The following PRCC variants were observed in gnomAD, a reference collection of about 807,000 sequenced individuals.
The protein encoded by PRCC is proline rich mitotic checkpoint control factor.
Under a neutral mutation model 44.0 loss-of-function variants are expected in PRCC, and 10 were observed. The ratio of observed to expected loss-of-function variants is 0.23; its 90% CI spans 0.14 to 0.39. The LOEUF is 0.39. Among genes scored for constraint, PRCC ranks in the 10% least tolerant of loss-of-function variants. The probability of loss-of-function intolerance (pLI) is 1.00; values close to 1 mark genes in which losing one functional copy is unlikely to be tolerated. For missense variants in PRCC, 573 were observed against 624.7 expected, an observed-to-expected ratio of 0.92 and a Z score of 0.88; for synonymous variants, 278 against 259.5, an observed-to-expected ratio of 1.07 and a Z score of -0.69.
Position 156,800,574 on chromosome 1 carries a change from C to A in PRCC, c.*114C>A. ...CCCAGGATCTCTTTCCCCAAGGACC[C>A]AGCCCTCGCCTCTGCGAGAATGAAC... On this transcript the variant is annotated 3_prime_UTR_variant, in exon 7 of 7. Transcript: ENST00000271526. 1.0e-6 allele frequency: 1 copy of A among 998,172 alleles called. No homozygotes were observed. The highest frequency in any genetic ancestry group is 1.5e-6 in the Non-Finnish European group (1 of 648,482). 61.8% of individuals were successfully genotyped at this position (998,172 alleles called of 1,614,324 possible). A position where few individuals can be genotyped will look rare whatever the true frequency, so the allele number is the denominator to read the frequency against.
chr1:156,787,450 GATATATATAT>G lies in PRCC; in HGVS notation c.1083+315_1083+324del, dbSNP rs57206380. 3.8e-3 allele frequency among the ~76,000 whole-genome samples: 472 copies of G among 124,800 alleles called. 4 individuals are homozygous for G. The highest frequency in any genetic ancestry group is 0.015 in the African/African-American group (449 of 30,712). 81.9% of individuals were successfully genotyped at this position (124,800 alleles called of 152,430 possible). Reference sequence around the variant, plus strand: ...ATAATATTTGTACATATTTGTGATTGATATATATATATATATATATATATATATATATATA... The same window carrying G: ...ATAATATTTGTACATATTTGTGATTGATATATATATATATATATATATATA... On this transcript the variant is annotated intron_variant, in intron 3 of 6. Coordinates refer to ENST00000271526, the MANE Select transcript of PRCC (RefSeq NM_005973.5).
At chr1:156,769,712 G>A (rs1651554803) in intron 1 of PRCC, among the ~76,000 whole-genome samples, 1 of 151,268 alleles carries the variant, frequency 6.6e-6, no homozygotes, top group African/African-American at 2.5e-5. Flanking sequence ...CCATTCTCCT[G>A]CCTCAGCCTC....
Position 156,786,843 on chromosome 1 carries a change from G to A in PRCC, c.752G>A (p.Ser251Asn). ...SPSAIKAAAK[S>N]AALQVTKQIT... ...TCTGCTATCAAGGCTGCTGCCAAGA[G>A]TGCTGCCCTGCAGGTGACAAAGCAG... Residue 251 changes from serine to asparagine, a missense_variant, in exon 3 of 7, where the codon AGT (serine) becomes AAT (asparagine). By Grantham distance (46) the Ser-to-Asn change is conservative. Transcript: ENST00000271526. 1.2e-6 allele frequency: 2 copies of A among 1,614,226 alleles called. No individual in the cohort carries two copies. Among genetic ancestry groups the A allele is most frequent in the Non-Finnish European group, 1.7e-6 (2 of 1,180,040 alleles).
rs993076713 is a variant in PRCC at position 156,768,167 on chromosome 1, G to T, written c.396G>T (p.Pro132=). Residue 132 remains proline, a synonymous_variant, in exon 1 of 7, where the codon CCG becomes CCT. Transcript: ENST00000271526. ...LPPPIGGAGP[P]LGLPKPKKRK... is the part of the protein sequence containing the mutation. ...CTCCAATTGGCGGTGCCGGTCCCCC[G>T]CTGGGGCTTCCCAAGCCAAAGAAGA... 3.2e-6 allele frequency: 5 copies of T among 1,553,648 alleles called. No homozygotes were observed. The Admixed American group carries it at 7.8e-5, about 24-fold the overall frequency.
chr1:156,787,312 C>T (rs1213693270), intron 3 of PRCC, 138 bp downstream of exon 3: 1 of 968,096 alleles, frequency 1.0e-6, no homozygotes, highest in Non-Finnish European at 1.5e-6. Context: ...ACAGAACATA[C>T]CTTTATTCTG....
intron 4 of PRCC, 63 bp downstream of exon 4, chr1:156,791,855 C>A: frequency 1.4e-6 from 2 of 1,454,400 alleles, no homozygotes; most frequent in Non-Finnish European, 1.9e-6. Context: ...AAATCTGAAG[C>A]CAAAGGAAAT....
In PRCC at chr1:156,791,087, C is replaced by G. The variant is rs998917860; in HGVS notation, c.1084-610C>G. ...TCTAGGGTCTGCAGCAACATCTGGG[C>G]CACTCGCCTCTAAGGGGAATCATGA... On this transcript the variant is annotated intron_variant, in intron 3 of 6. Transcript: ENST00000271526. 3 of 1,410,802 alleles carry G rather than the reference C, an allele frequency of 2.1e-6. No individual in the cohort carries two copies. The African/African-American group carries it at 4.3e-5, about 20-fold the overall frequency. The allele number at this position is 1,410,802 out of a possible 1,614,324, so 87.4% of individuals were successfully genotyped here.
chr1:156,787,365 G>C (rs1323644488), intron 3 of PRCC, among the ~76,000 whole-genome samples, 191 bp downstream of exon 3: 1 of 150,394 alleles, frequency 6.6e-6, no homozygotes, highest in African/African-American at 2.5e-5. Flanking sequence ...AGTGTGACAG[G>C]GTGAACCACA....
At chr1:156,771,119 G>A (rs1651619210) in intron 1 of PRCC, among the ~76,000 whole-genome samples, 1 of 152,200 alleles carries the variant, frequency 6.6e-6, no homozygotes, top group African/African-American at 2.4e-5. Context: ...TGAAGAAAGG[G>A]TAGTATGGGA....
chr1:156,787,986 CATGCCCGCTA>C (rs1444496510), intron 3 of PRCC, among the ~76,000 whole-genome samples: 2 of 152,116 alleles, frequency 1.3e-5, no homozygotes, highest in Non-Finnish European at 1.5e-5. Flanking sequence ...CACATTCCAC[CATGCCCGCTA>C]ATTTAATTTT....
At chr1:156,791,488 T>C in intron 3 of PRCC, 1 of 579,954 alleles carries the variant, frequency 1.7e-6, no homozygotes, top group South Asian at 2.1e-5. Context: ...GTCTGGATAG[T>C]GTAGATGAGA....
At chr1:156,781,504 A>C (rs1219902995) in intron 1 of PRCC, among the ~76,000 whole-genome samples, 1 of 152,244 alleles carries the variant, frequency 6.6e-6, no homozygotes, top group Non-Finnish European at 1.5e-5. Context: ...AAAAATGTTA[A>C]AGCTTGCTAT....
chr1:156,768,363 C>A (rs1288517752), intron 1 of PRCC, 124 bp downstream of exon 1: 2 of 1,054,308 alleles, frequency 1.9e-6, no homozygotes, highest in Non-Finnish European at 2.8e-6. Flanking sequence ...CCACTGGAAT[C>A]CTCTTATAAT....
rs1366754675 is a variant in PRCC at position 156,787,178 on chromosome 1, G to A, written c.1083+4G>A. ...TGCCGCTGGTGCTTATTATCAGGTG[G>A]GTAGGAGGCACAGAGGGCAGGCGAG... On this transcript the variant is annotated splice_donor_region_variant and intron_variant, in intron 3 of 6. Transcript: ENST00000271526. 6.3e-7 allele frequency: 1 copy of A among 1,592,788 alleles called. No homozygotes were observed. The highest frequency in any genetic ancestry group is 8.6e-7 in the Non-Finnish European group (1 of 1,165,276).
Position 156,767,718 on chromosome 1 carries a change from G to T in PRCC, c.-54G>T. On this transcript the variant is annotated 5_prime_UTR_variant, in exon 1 of 7. Coordinates refer to ENST00000271526, the MANE Select transcript of PRCC (RefSeq NM_005973.5). ...GCCTACTAGGCCTCCGGGCATCCCC[G>T]GTCTCAAGTAGGCCTCATCTGCCGG... The T allele has an allele frequency of 1.3e-6, 2 of 1,502,922 alleles. No homozygotes were observed. The highest frequency in any genetic ancestry group is 2.6e-5 in the South Asian group (2 of 78,134). 93.1% of individuals were successfully genotyped at this position (1,502,922 alleles called of 1,614,324 possible).
At chr1:156,783,865 C>T (rs1288842937) in intron 2 of PRCC, among the ~76,000 whole-genome samples, 1 of 152,058 alleles carries the variant, frequency 6.6e-6, no homozygotes, top group Non-Finnish European at 1.5e-5. Context: ...TTGCTTCCAC[C>T]TCTGAGCAGT....
At chr1:156,799,917 A>G (rs538268486) in intron 6 of PRCC, among the ~76,000 whole-genome samples, 1 of 151,386 alleles carries the variant, frequency 6.6e-6, no homozygotes, top group South Asian at 2.1e-4. Flanking sequence ...GCAAAACTGT[A>G]TCTCCAGGCT....
chr1:156,786,914 A>G lies in PRCC; in HGVS notation c.823A>G (p.Asn275Asp). 1 of 1,614,134 alleles carries G rather than the reference A, an allele frequency of 6.2e-7. No homozygotes were observed. Among genetic ancestry groups the G allele is most frequent in the South Asian group, 1.1e-5 (1 of 91,078 alleles). Residue 275 changes from asparagine (N) to aspartate (D), a missense_variant, in exon 3 of 7, where the codon AAC (asparagine) becomes GAC (aspartate). Around this residue, in one of 4 missense-constraint regions of PRCC, gnomAD observed 118 missense variants for 166.7 expected, o/e 0.71. Coordinates refer to ENST00000271526, the MANE Select transcript of PRCC (RefSeq NM_005973.5). Reference sequence around the variant, plus strand: ...CAGTGATGAGGAAGTAGCCCCCGAAAACTTTTTCTCCCTCCCTGAAAAGGC... The same window carrying G: ...CAGTGATGAGGAAGTAGCCCCCGAAGACTTTTTCTCCCTCCCTGAAAAGGC... ...DDSDEEVAPE[N>D]FFSLPEKAEP...
In PRCC at chr1:156,797,360, C is replaced by T. The variant is rs377684693; in HGVS notation, c.1389+19C>T. The T allele has an allele frequency of 1.2e-6, 2 of 1,613,896 alleles. No homozygotes were observed. The highest frequency in any genetic ancestry group is 2.2e-5 in the East Asian group (1 of 44,882). On this transcript the variant is annotated intron_variant, in intron 6 of 6. Coordinates refer to ENST00000271526, the MANE Select transcript of PRCC (RefSeq NM_005973.5). ...TCATCAGGTGAGAGACAGCTGAGGGCTCTGGCTCAGGCAGGATCTCTGTAA... is the reference window on the plus strand; with the variant it reads ...TCATCAGGTGAGAGACAGCTGAGGGTTCTGGCTCAGGCAGGATCTCTGTAA...
Sources: gnomAD v4.1 joint callset for allele counts (sites outside exome capture counted in the v4.1 genomes callset) on GRCh38, gnomAD v4.1.1 for gene constraint, gnomAD v4.1.1 regional missense constraint, MANE v1.5 for transcripts, NCBI Gene and HGNC (gene_info 2026-07-23, HGNC 2026-07-21) for gene names.